Variants in CSMD1 observed in about 807,000 individuals in gnomAD.
CSMD1 encodes CUB and sushi domain-containing protein 1.
A neutral mutation model predicts 417.5 loss-of-function variants in CSMD1; 213 were observed. The observed-to-expected ratio is 0.51, with a 90% confidence interval of 0.46 to 0.57. CSMD1 has a LOEUF of 0.57. Ranked by LOEUF, CSMD1 falls within the 20% of genes least tolerant of loss-of-function variation. The pLI is 0.00. For missense variants in CSMD1, 6,923 were observed against 4,529.7 expected (o/e 1.53, Z -15.17); for synonymous variants, 2,862 against 1,736.8 (o/e 1.65, Z -16.11).
intron 7 of CSMD1, among the ~76,000 whole-genome samples, chr8:3,623,290 T>C (rs1796345837): frequency 6.6e-6 from 1 of 152,360 alleles, no homozygotes; most frequent in Middle Eastern, 3.4e-3. Flanking sequence ...AAAATTCTTC[T>C]TCATCAAATT....
intron 12 of CSMD1, among the ~76,000 whole-genome samples, chr8:3,440,163 G>A (rs985999433): frequency 6.6e-6 from 1 of 152,104 alleles, no homozygotes; most frequent in African/African-American, 2.4e-5. Flanking sequence ...ACACATTTTA[G>A]AATAATCTTG....
At chr8:3,875,395 G>A (rs1427847958) in intron 5 of CSMD1, among the ~76,000 whole-genome samples, 5 of 152,164 alleles carry the variant, frequency 3.3e-5, no homozygotes, top group African/African-American at 7.2e-5. Flanking sequence ...CGTAGACATG[G>A]TCTATGAAGT....
chr8:3,500,573 T>C (rs1341016323), intron 10 of CSMD1, among the ~76,000 whole-genome samples: 1 of 151,886 alleles, frequency 6.6e-6, no homozygotes, highest in Non-Finnish European at 1.5e-5. Flanking sequence ...GAGGAAGAAA[T>C]GACAAAGAAA....
intron 2 of CSMD1, among the ~76,000 whole-genome samples, chr8:4,527,437 AC>A (rs1406398322): frequency 2.0e-5 from 3 of 152,280 alleles, no homozygotes; most frequent in Admixed American, 2.0e-4. Context: ...AATTGCCTTT[AC>A]CTATCCTTCT....
At position 3,146,534 on chromosome 8, in the gene CSMD1, C is replaced by T. The variant is rs1818854633; in HGVS notation, c.6032-3860G>A. 5.9e-5 allele frequency among the ~76,000 whole-genome samples: 9 copies of T among 152,102 alleles called. No homozygotes were observed. In the South Asian group the frequency reaches 1.9e-3, roughly 32 times the overall value. ...TTCAAAAACATTTGAGTATCTTGTG[C>T]AATCATTGGTAGGACTAAGATTTCT... On this transcript the variant is annotated intron_variant, in intron 40 of 69. Transcript: ENST00000635120.
At chr8:4,791,095 T>TGAGAAGAGACGGG (rs1293395345) in intron 1 of CSMD1, among the ~76,000 whole-genome samples, 108 of 133,044 alleles carry the variant, frequency 8.1e-4, no homozygotes, top group African/African-American at 1.7e-3. Context: ...AGAGAGACGG[T>TGAGAAGAGACGGG]GAGAAGAGAC....
At chr8:4,808,155 C>T (rs546232319) in intron 1 of CSMD1, among the ~76,000 whole-genome samples, 6 of 152,252 alleles carry the variant, frequency 3.9e-5, no homozygotes, top group East Asian at 1.9e-4. Flanking sequence ...ACGATTCCGG[C>T]GGTGTGGAGT....
chr8:3,445,177 T>C (rs1027344965), intron 12 of CSMD1, among the ~76,000 whole-genome samples: 1 of 152,200 alleles, frequency 6.6e-6, no homozygotes, highest in Non-Finnish European at 1.5e-5. Flanking sequence ...CACAGTACAC[T>C]TTTAATAATT....
At chr8:3,469,927 T>C (rs1162938406) in intron 11 of CSMD1, among the ~76,000 whole-genome samples, 1 of 152,260 alleles carries the variant, frequency 6.6e-6, no homozygotes, top group Non-Finnish European at 1.5e-5. Flanking sequence ...TTCTTTTTCA[T>C]TTGCTTGTTT....
chr8:4,702,072 C>G (rs1373157164), intron 1 of CSMD1, among the ~76,000 whole-genome samples: 1 of 152,052 alleles, frequency 6.6e-6, no homozygotes. Context: ...AACACATGGA[C>G]ACAGGAAAGG....
At position 2,991,154 on chromosome 8, in the gene CSMD1, G is replaced by C. The variant is rs115704583; in HGVS notation, c.8377+6857C>G. Among the ~76,000 whole-genome samples, 862 of 152,248 alleles carry C rather than the reference G, an allele frequency of 5.7e-3. 13 individuals carry two copies. Among genetic ancestry groups the C allele is most frequent in the African/African-American group, 0.02 (819 of 41,550 alleles). On this transcript the variant is annotated intron_variant, in intron 54 of 69. Coordinates refer to ENST00000635120, the MANE Select transcript of CSMD1 (RefSeq NM_033225.6). ...CTTCAACAGGCCAATTATTTCTAGGGTGTGTCATTAAGGGTATTTATTACT... is the reference window on the plus strand; with the variant it reads ...CTTCAACAGGCCAATTATTTCTAGGCTGTGTCATTAAGGGTATTTATTACT...
intron 5 of CSMD1, among the ~76,000 whole-genome samples, chr8:3,983,957 G>T (rs1814108593): frequency 1.3e-5 from 2 of 152,246 alleles, no homozygotes; most frequent in East Asian, 1.9e-4. Flanking sequence ...GCACATTGCA[G>T]ATCTGATGGG....
At chr8:4,848,410 A>G (rs1234608013) in intron 1 of CSMD1, among the ~76,000 whole-genome samples, 1 of 152,214 alleles carries the variant, frequency 6.6e-6, no homozygotes, top group Non-Finnish European at 1.5e-5. Context: ...TGAGCTAGTA[A>G]TGGCCTATGG....
chr8:4,447,096 GA>G (rs1421167594), intron 2 of CSMD1, among the ~76,000 whole-genome samples: 1 of 152,098 alleles, frequency 6.6e-6, no homozygotes. Flanking sequence ...GTCTCTTTGG[GA>G]AAAGGTACTT....
At chr8:4,469,837 G>A (rs1053225218) in intron 2 of CSMD1, among the ~76,000 whole-genome samples, 7 of 151,426 alleles carry the variant, frequency 4.6e-5, no homozygotes, top group Non-Finnish European at 8.8e-5. Context: ...AAAATGACTC[G>A]CACACCTACG....
rs1804005988 is a variant in CSMD1 at position 3,852,776 on chromosome 8, TCC to T, written c.819-98736_819-98735del. On this transcript the variant is annotated intron_variant, in intron 5 of 69. Transcript: ENST00000635120. ...CGCTGCACAGGTTTGTAGGATCCAT[TCC>T]AGCCTCTTCTGTCTCCTCCAAGCGC... is the stretch of plus-strand genomic sequence containing the variant. Among the ~76,000 whole-genome samples, 3 of 152,058 alleles carry T rather than the reference TCC, an allele frequency of 2.0e-5. No individual in the cohort carries two copies. The South Asian group carries it at 6.2e-4, about 32-fold the overall frequency.
chr8:4,911,864 C>T (rs138227036), intron 1 of CSMD1, among the ~76,000 whole-genome samples: 6 of 151,874 alleles, frequency 4.0e-5, no homozygotes, highest in Non-Finnish European at 8.8e-5. Flanking sequence ...TTGACAATTC[C>T]TCTCTGAGGC....
At chr8:4,057,932 T>G (rs892929932) in intron 3 of CSMD1, among the ~76,000 whole-genome samples, 3 of 151,152 alleles carry the variant, frequency 2.0e-5, no homozygotes, top group African/African-American at 4.8e-5. Flanking sequence ...TTTTGGTTCC[T>G]GTAGCCTTGT....
rs143569596 is a variant in CSMD1 at position 3,478,924 on chromosome 8, A to G, written c.1449-10100T>C. Among the ~76,000 whole-genome samples, 782 of 152,100 alleles carry G rather than the reference A, an allele frequency of 5.1e-3. 1 individual carries two copies. The highest frequency in any genetic ancestry group is 7.1e-3 in the Non-Finnish European group (482 of 67,988). On this transcript the variant is annotated intron_variant, in intron 11 of 69. Transcript: ENST00000635120. ...CTGAGTCTCTTCCCCACCCAGACAC[A>G]GCGGTAGAGTGGGCGGAATAGGTGA... is the stretch of plus-strand genomic sequence containing the variant.
Sources: allele counts gnomAD v4.1 joint callset (sites outside exome capture counted in the v4.1 genomes callset), GRCh38; gene constraint gnomAD v4.1.1; transcripts MANE v1.5; gene names NCBI Gene and HGNC (gene_info 2026-07-23, HGNC 2026-07-21).